ANAPC10: variants seen among roughly 807,000 people sequenced by gnomAD.
The protein encoded by ANAPC10 is anaphase promoting complex subunit 10, also known as anaphase-promoting complex subunit 10.
ANAPC10 carries 12 observed loss-of-function variants against 22.0 expected under a neutral mutation model. The observed-to-expected ratio is 0.55, with a 90% CI of 0.35 to 0.88. The LOEUF (loss-of-function observed/expected upper bound fraction) is 0.88. Ranked by LOEUF, ANAPC10 falls within the 40% of genes least tolerant of loss-of-function variation. ANAPC10 has a pLI of 0.01. For missense variants in ANAPC10, 188 were observed against 220.9 expected, an observed-to-expected ratio of 0.85 and a Z score of 0.94; for synonymous variants, 65 against 69.5, an observed-to-expected ratio of 0.94 and a Z score of 0.32.
At chr4:145,065,004 C>A (rs1268966163) in intron 3 of ANAPC10, among the ~76,000 whole-genome samples, 1 of 151,874 alleles carries the variant, frequency 6.6e-6, no homozygotes, top group Admixed American at 6.6e-5. Context: ...TTAAGGATTT[C>A]CATCCTCTTC....
chr4:145,069,181 A>G (rs1298285276), intron 3 of ANAPC10, among the ~76,000 whole-genome samples: 1 of 152,192 alleles, frequency 6.6e-6, no homozygotes, highest in African/African-American at 2.4e-5. Flanking sequence ...ATGCTGAGCA[A>G]CAGGCAGCAC....
chr4:145,038,550 C>A (rs35316881), intron 4 of ANAPC10, among the ~76,000 whole-genome samples: 1 of 151,678 alleles, frequency 6.6e-6, no homozygotes, highest in Non-Finnish European at 1.5e-5. Flanking sequence ...GGCAGCCAGG[C>A]GCAATGGCTC....
intron 4 of ANAPC10, among the ~76,000 whole-genome samples, chr4:145,012,757 C>G (rs789347): frequency 6.6e-6 from 1 of 152,138 alleles, no homozygotes; most frequent in Admixed American, 6.5e-5. Flanking sequence ...AATTTTCCGC[C>G]AACACAGAGA....
intron 4 of ANAPC10, among the ~76,000 whole-genome samples, chr4:145,050,680 C>A (rs757460604): frequency 1.7e-4 from 26 of 152,258 alleles, no homozygotes; most frequent in Non-Finnish European, 3.1e-4. Flanking sequence ...CTTGCTGCTT[C>A]ACCTGGCTCT....
chr4:145,054,574 C>T (rs1741656984), intron 4 of ANAPC10, among the ~76,000 whole-genome samples: 1 of 142,388 alleles, frequency 7.0e-6, no homozygotes, highest in Admixed American at 7.0e-5. Flanking sequence ...AAAAAAAAAA[C>T]TTACCACAGG....
intron 4 of ANAPC10, among the ~76,000 whole-genome samples, chr4:145,006,207 GC>G (rs1433697222): frequency 6.6e-6 from 1 of 151,822 alleles, no homozygotes; most frequent in Non-Finnish European, 1.5e-5. Flanking sequence ...ATTATGTAAT[GC>G]CCTTTTTGTC....
chr4:145,091,647 G>T (rs756861499), intron 2 of ANAPC10, among the ~76,000 whole-genome samples: 18 of 152,124 alleles, frequency 1.2e-4, no homozygotes, highest in Non-Finnish European at 5.9e-5. Flanking sequence ...GAATAGTGCT[G>T]CAATGAACAT....
intron 2 of ANAPC10, among the ~76,000 whole-genome samples, chr4:145,093,508 C>T (rs1748022042): frequency 6.7e-6 from 1 of 150,148 alleles, no homozygotes; most frequent in African/African-American, 2.4e-5. Context: ...CAGAGATGAC[C>T]CAGTTGTTGG....
At chr4:145,045,080 A>C (rs1241141972) in intron 4 of ANAPC10, among the ~76,000 whole-genome samples, 1 of 152,008 alleles carries the variant, frequency 6.6e-6, no homozygotes, top group African/African-American at 2.4e-5. Flanking sequence ...AAGCACTAAT[A>C]CTCTCCAAAA....
chr4:145,004,044 T>G (rs1272998586), intron 4 of ANAPC10, among the ~76,000 whole-genome samples: 1 of 152,056 alleles, frequency 6.6e-6, no homozygotes, highest in Non-Finnish European at 1.5e-5. Context: ...TATCTTGTAA[T>G]TCTCATTTCC....
chr4:145,036,995 CGTGT>C (rs202100756), intron 4 of ANAPC10, among the ~76,000 whole-genome samples: 8,026 of 131,148 alleles, frequency 0.061, 280 homozygotes, highest in African/African-American at 0.098. Flanking sequence ...AAATAGATAA[CGTGT>C]GTGTGTGTGT....
intron 4 of ANAPC10, among the ~76,000 whole-genome samples, chr4:145,016,553 A>G (rs1322087741): frequency 6.6e-6 from 1 of 152,230 alleles, no homozygotes; most frequent in Admixed American, 6.5e-5. Flanking sequence ...GCCCAAGGTA[A>G]TTTATAGATT....
intron 4 of ANAPC10, among the ~76,000 whole-genome samples, chr4:145,022,214 T>C (rs1300267365): frequency 1.3e-5 from 2 of 152,078 alleles, no homozygotes; most frequent in South Asian, 2.1e-4. Flanking sequence ...CACACGTTTA[T>C]AGCAGCACAA....
chr4:144,997,614 CA>C (rs1420115111), intron 4 of ANAPC10, among the ~76,000 whole-genome samples: 1 of 152,164 alleles, frequency 6.6e-6, no homozygotes, highest in African/African-American at 2.4e-5. Flanking sequence ...CAGTACCAGA[CA>C]CTGCAAAAAC....
rs1051370308 is a variant in ANAPC10 at position 145,041,478 on chromosome 4, T to C, written c.327+23094A>G. 3.3e-5 allele frequency among the ~76,000 whole-genome samples: 5 copies of C among 152,218 alleles called. No individual in the cohort carries two copies. In the South Asian group the frequency reaches 8.3e-4, roughly 25 times the overall value. ...ACAAGTACCAACGAACAGCCCAGTG[T>C]GGAAATGGCTGTATGCCAGGTTGCC... On this transcript the variant is annotated intron_variant, in intron 4 of 4. Transcript: ENST00000507656.
At chr4:145,009,477 T>C (rs1271588108) in intron 4 of ANAPC10, among the ~76,000 whole-genome samples, 2 of 152,082 alleles carry the variant, frequency 1.3e-5, no homozygotes, top group African/African-American at 2.4e-5. Context: ...AACAGAGATG[T>C]AGACCAATGG....
chr4:145,084,426 T>C (rs925078669), intron 2 of ANAPC10, among the ~76,000 whole-genome samples: 4 of 152,106 alleles, frequency 2.6e-5, no homozygotes, highest in African/African-American at 4.8e-5. Flanking sequence ...AGGCAATACA[T>C]TGGTGTGAAG....
chr4:145,029,679 AT>A (rs1482260639), intron 4 of ANAPC10, among the ~76,000 whole-genome samples: 1 of 152,092 alleles, frequency 6.6e-6, no homozygotes, highest in East Asian at 1.9e-4. Context: ...TAGCTGAAAT[AT>A]GGATTAAAAA....
At chr4:145,050,801 G>C (rs1056867226) in intron 4 of ANAPC10, among the ~76,000 whole-genome samples, 2 of 152,180 alleles carry the variant, frequency 1.3e-5, no homozygotes, top group African/African-American at 4.8e-5. Flanking sequence ...TAATATTGAA[G>C]AGAATTAGGA....
Sources: allele counts gnomAD v4.1 joint callset (sites outside exome capture counted in the v4.1 genomes callset), GRCh38; gene constraint gnomAD v4.1.1; transcripts MANE v1.5; gene names NCBI Gene and HGNC (gene_info 2026-07-23, HGNC 2026-07-21).